PARN: variants seen among roughly 807,000 people sequenced by gnomAD.
PARN encodes poly(A)-specific ribonuclease.
A neutral mutation model predicts 102.8 loss-of-function variants in PARN; 71 were observed. The observed-to-expected ratio is 0.69, with a 90% confidence interval of 0.57 to 0.84. PARN has a LOEUF of 0.84. Among genes scored for constraint, PARN ranks in the 40% least tolerant of loss-of-function variants. The probability of loss-of-function intolerance (pLI) is 0.00; values close to 1 mark genes in which losing one functional copy is unlikely to be tolerated. For missense variants in PARN, 782 were observed against 760.9 expected, an observed-to-expected ratio of 1.03 and a Z score of -0.33; for synonymous variants, 261 against 252.9, an observed-to-expected ratio of 1.03 and a Z score of -0.30.
At chr16:14,438,388 A>G (rs1960799758) in intron 23 of PARN, among the ~76,000 whole-genome samples, 1 of 144,768 alleles carries the variant, frequency 6.9e-6, no homozygotes, top group Non-Finnish European at 1.5e-5. Context: ...GCTAAAAGCA[A>G]CTGCACTGCA....
At chr16:14,509,218 C>G (rs1567333434) in intron 21 of PARN, among the ~76,000 whole-genome samples, 1 of 152,218 alleles carries the variant, frequency 6.6e-6, no homozygotes. Context: ...AACCCCGTGT[C>G]AGCTGTTTGT....
intron 18 of PARN, among the ~76,000 whole-genome samples, chr16:14,570,401 C>T (rs1968727461): frequency 6.7e-6 from 1 of 148,772 alleles, no homozygotes; most frequent in Admixed American, 6.7e-5. Context: ...TGCTGTAATC[C>T]CACCACTTTG....
intron 21 of PARN, among the ~76,000 whole-genome samples, chr16:14,496,535 T>C (rs1368454585): frequency 1.3e-5 from 2 of 152,190 alleles, no homozygotes; most frequent in African/African-American, 4.8e-5. Flanking sequence ...GACAGACAGC[T>C]GAAAGACCTA....
At chr16:14,608,002 A>G in intron 9 of PARN, 1 of 400,078 alleles carries the variant, frequency 2.5e-6, no homozygotes, top group Non-Finnish European at 4.4e-6. Flanking sequence ...AAAACCAAAT[A>G]TTTATTGTAT....
chr16:14,452,818 A>G (rs1961521880), intron 22 of PARN, among the ~76,000 whole-genome samples: 1 of 152,238 alleles, frequency 6.6e-6, no homozygotes, highest in African/African-American at 2.4e-5. Flanking sequence ...ATCCTCTAAT[A>G]AAAATAAAAG....
intron 21 of PARN, among the ~76,000 whole-genome samples, chr16:14,544,260 G>T (rs926042265): frequency 6.6e-6 from 1 of 152,086 alleles, no homozygotes; most frequent in Non-Finnish European, 1.5e-5. Context: ...TACACAGATA[G>T]GTCTAGAATA....
chr16:14,478,061 C>T (rs1011118695), intron 22 of PARN, among the ~76,000 whole-genome samples: 2 of 151,662 alleles, frequency 1.3e-5, no homozygotes, highest in African/African-American at 4.8e-5. Flanking sequence ...ACAGCTCCCA[C>T]GTGTAATCCC....
intron 20 of PARN, among the ~76,000 whole-genome samples, chr16:14,552,784 G>C (rs1967397007): frequency 6.6e-6 from 1 of 151,892 alleles, no homozygotes; most frequent in South Asian, 2.1e-4. Context: ...CCCCAACTCT[G>C]CTAAAAATAC....
In PARN at chr16:14,565,407, A is replaced by G. The variant is rs1329656364; in HGVS notation, c.1263-9698T>C. The stretch of plus-strand genomic sequence containing the variant: ...TCTTAAATACATACACTAGAAACAA[A>G]GGCAAAAAAAAAAAAACAAAGGAAG... On this transcript the variant is annotated intron_variant, in intron 18 of 23. Coordinates refer to ENST00000437198, the MANE Select transcript of PARN (RefSeq NM_002582.4). Among the ~76,000 whole-genome samples, 3 of 150,752 alleles carry G rather than the reference A, an allele frequency of 2.0e-5. No individual in the cohort carries two copies. The East Asian group carries it at 5.8e-4, about 29-fold the overall frequency.
intron 6 of PARN, among the ~76,000 whole-genome samples, chr16:14,614,278 A>G (rs1971723488): frequency 6.6e-6 from 1 of 151,652 alleles, no homozygotes; most frequent in Non-Finnish European, 1.5e-5. Flanking sequence ...AAAAAAAAAG[A>G]GTAAATGAGA....
intron 2 of PARN, among the ~76,000 whole-genome samples, chr16:14,628,594 A>C (rs1442989915): frequency 2.0e-5 from 3 of 152,220 alleles, no homozygotes; most frequent in African/African-American, 7.2e-5. Context: ...TAAATCCCTA[A>C]GTATATTATT....
chr16:14,599,339 G>A lies in PARN; in HGVS notation c.840+565C>T, dbSNP rs1596810896. Among the ~76,000 whole-genome samples the A allele has an allele frequency of 3.9e-5, 6 of 152,178 alleles. No homozygotes were observed. The South Asian group carries it at 8.3e-4, about 21-fold the overall frequency. ...ATTACAGACATGAGCCACTATGCCCGGCCGCCTGTTTTCAGAAAGGCCTCA... is the reference window on the plus strand; with the variant it reads ...ATTACAGACATGAGCCACTATGCCCAGCCGCCTGTTTTCAGAAAGGCCTCA... On this transcript the variant is annotated intron_variant, in intron 12 of 23. Coordinates refer to ENST00000437198, the MANE Select transcript of PARN (RefSeq NM_002582.4).
chr16:14,579,773 C>T (rs868581847), intron 18 of PARN, among the ~76,000 whole-genome samples: 2 of 151,972 alleles, frequency 1.3e-5, no homozygotes, highest in East Asian at 1.9e-4. Flanking sequence ...TCAGGGAGTT[C>T]GAGAGAAGCC....
chr16:14,604,373 A>C (rs1041722918), intron 10 of PARN, 147 bp from the exon 11 acceptor site: 13 of 595,034 alleles, frequency 2.2e-5, no homozygotes, highest in Admixed American at 6.1e-5. Flanking sequence ...CGATTATCTT[A>C]CCTTAGCCTC....
Position 14,445,813 on chromosome 16 carries a change from C to A in PARN, c.1864+1075G>T, listed in dbSNP as rs562719146. Among the ~76,000 whole-genome samples the A allele has an allele frequency of 8.5e-5, 13 of 152,354 alleles. 1 individual carries two copies. In the South Asian group the frequency reaches 2.5e-3, roughly 29 times the overall value. ...TCCTGACCTCAAGTGATCCACCCGT[C>A]TTGGCCTCCCAAAGTGCTCGGATTA... On this transcript the variant is annotated intron_variant, in intron 23 of 23. Coordinates refer to ENST00000437198, the MANE Select transcript of PARN (RefSeq NM_002582.4).
At chr16:14,499,252 GC>G (rs1414870631) in intron 21 of PARN, among the ~76,000 whole-genome samples, 2 of 152,212 alleles carry the variant, frequency 1.3e-5, no homozygotes, top group Admixed American at 1.3e-4. Context: ...AGGAGAGGAA[GC>G]ATGCTGAGTG....
intron 6 of PARN, among the ~76,000 whole-genome samples, chr16:14,613,078 G>C (rs982312429): frequency 6.6e-6 from 1 of 151,930 alleles, no homozygotes; most frequent in Non-Finnish European, 1.5e-5. Flanking sequence ...GGGAGGCCAA[G>C]GCGGGCAGAT....
chr16:14,543,896 A>G (rs564832383), intron 21 of PARN, among the ~76,000 whole-genome samples: 1 of 152,338 alleles, frequency 6.6e-6, no homozygotes, highest in Admixed American at 6.5e-5. Flanking sequence ...AACAGAAGAA[A>G]TAAAAAAGCA....
intron 21 of PARN, among the ~76,000 whole-genome samples, chr16:14,488,132 A>AT (rs1467138039): frequency 1.3e-5 from 2 of 152,276 alleles, no homozygotes; most frequent in African/African-American, 4.8e-5. Context: ...TGAAACTTTG[A>AT]TTTTTGACAG....
Sources: gnomAD v4.1 joint callset for allele counts (sites outside exome capture counted in the v4.1 genomes callset) on GRCh38, gnomAD v4.1.1 for gene constraint, MANE v1.5 for transcripts, NCBI Gene and HGNC (gene_info 2026-07-23, HGNC 2026-07-21) for gene names.